Variants in CUL3 observed in about 807,000 individuals in gnomAD.
The protein encoded by CUL3 is cullin 3.
Under a neutral mutation model 89.1 loss-of-function variants are expected in CUL3, and 19 were observed. The observed-to-expected ratio is 0.21, with a 90% CI of 0.15 to 0.31. The LOEUF is 0.31. CUL3 is among the 10% of genes least tolerant of loss of function. The probability of loss-of-function intolerance (pLI) is 1.00; values close to 1 mark genes in which losing one functional copy is unlikely to be tolerated. For synonymous variants in CUL3, 351 were observed against 308.4 expected (o/e 1.14, Z -1.45); for missense variants, 469 against 942.3 (o/e 0.50, Z 6.58).
intron 15 of CUL3, among the ~76,000 whole-genome samples, chr2:224,476,035 T>G (rs1691306230): frequency 6.6e-6 from 1 of 152,016 alleles, no homozygotes; most frequent in Non-Finnish European, 1.5e-5. Context: ...TATTAGTTTT[T>G]TTTTTTGAGA....
intron 1 of CUL3, among the ~76,000 whole-genome samples, chr2:224,578,204 CT>C (rs1695353322): frequency 6.6e-6 from 1 of 152,030 alleles, no homozygotes; most frequent in Admixed American, 6.5e-5. Flanking sequence ...TAGTTGCAAT[CT>C]TTTTTAACAG....
intron 2 of CUL3, 31 bp downstream of exon 2, chr2:224,557,628 G>A (rs530032696): frequency 1.4e-6 from 2 of 1,451,458 alleles, no homozygotes; most frequent in Non-Finnish European, 1.9e-6. Context: ...ATTCAATATA[G>A]TATTAGCAAC....
Position 224,470,552 on chromosome 2 carries a change from C to A in CUL3, c.*3693G>T. The A allele has an allele frequency of 4.3e-6, 1 of 231,744 alleles. No homozygotes were observed. Among genetic ancestry groups the A allele is most frequent in the Non-Finnish European group, 8.5e-6 (1 of 117,176 alleles). The allele number at this position is 231,744 out of a possible 1,614,324, so 14.4% of individuals were successfully genotyped here. On this transcript the variant is annotated 3_prime_UTR_variant, in exon 16 of 16. Coordinates refer to ENST00000264414, the MANE Select transcript of CUL3 (RefSeq NM_003590.5). ...TGGCTAATTTGACATAGGAAAGGCA[C>A]ACAAAGGAAAACATTTTGTAAAACT... is the stretch of plus-strand genomic sequence containing the variant.
rs368320818 is a variant in CUL3, at chr2:224,471,239, C to T, written c.*3006G>A. On this transcript the variant is annotated 3_prime_UTR_variant, in exon 16 of 16. Coordinates refer to ENST00000264414, the MANE Select transcript of CUL3 (RefSeq NM_003590.5). The stretch of plus-strand genomic sequence containing the variant: ...AACAGCTTTCCTTCCAAGATTGACA[C>T]AATATACCATATACTCTATAAAAAA... The T allele has an allele frequency of 2.9e-5, 6 of 209,060 alleles. No individual in the cohort carries two copies. The East Asian group carries it at 2.9e-4, about 10-fold the overall frequency. The allele number at this position is 209,060 out of a possible 1,614,324, so 13.0% of individuals were successfully genotyped here.
intron 2 of CUL3, among the ~76,000 whole-genome samples, chr2:224,538,162 C>T (rs2106268955): frequency 6.6e-6 from 1 of 152,264 alleles, no homozygotes; most frequent in African/African-American, 2.4e-5. Context: ...TACACACACA[C>T]ACAAACTCAT....
At chr2:224,526,992 G>A (rs953774297) in intron 3 of CUL3, among the ~76,000 whole-genome samples, 1 of 152,090 alleles carries the variant, frequency 6.6e-6, no homozygotes, top group African/African-American at 2.4e-5. Flanking sequence ...ATTTCATGAT[G>A]CCCTGGTTTC....
At chr2:224,578,750 T>C (rs1044474611) in intron 1 of CUL3, among the ~76,000 whole-genome samples, 2 of 152,092 alleles carry the variant, frequency 1.3e-5, no homozygotes, top group African/African-American at 4.8e-5. Context: ...AAACTACAAA[T>C]TGTCTAGTAA....
chr2:224,540,539 T>C (rs1404752620), intron 2 of CUL3, among the ~76,000 whole-genome samples: 1 of 152,190 alleles, frequency 6.6e-6, no homozygotes, highest in Non-Finnish European at 1.5e-5. Flanking sequence ...CAGGTGACTC[T>C]GATATAACAT....
At chr2:224,581,039 T>C (rs1045859956) in intron 1 of CUL3, among the ~76,000 whole-genome samples, 12 of 152,198 alleles carry the variant, frequency 7.9e-5, no homozygotes, top group Admixed American at 6.5e-4. Context: ...AATAATACTA[T>C]ATTACATATT....
chr2:224,496,611 T>A (rs928191896), intron 12 of CUL3, among the ~76,000 whole-genome samples: 8 of 152,074 alleles, frequency 5.3e-5, no homozygotes, highest in Non-Finnish European at 1.0e-4. Context: ...ACACCACTAC[T>A]GTTATACTAC....
intron 1 of CUL3, among the ~76,000 whole-genome samples, chr2:224,574,198 T>C (rs1695247352): frequency 6.6e-6 from 1 of 152,228 alleles, no homozygotes; most frequent in African/African-American, 2.4e-5. Flanking sequence ...TTTATTCATC[T>C]GCTCAGCAGT....
intron 5 of CUL3, 55 bp from the exon 6 acceptor site, chr2:224,511,637 CT>C: frequency 9.8e-7 from 1 of 1,022,476 alleles, no homozygotes; most frequent in Non-Finnish European, 1.4e-6. Context: ...AGTGTTTTTG[CT>C]TTTAGCTGGG....
At chr2:224,542,240 C>A (rs921523798) in intron 2 of CUL3, among the ~76,000 whole-genome samples, 1 of 152,188 alleles carries the variant, frequency 6.6e-6, no homozygotes, top group Non-Finnish European at 1.5e-5. Flanking sequence ...GACCACTATT[C>A]TTTGTTTCTG....
At chr2:224,527,448 T>C (rs1171066022) in intron 3 of CUL3, among the ~76,000 whole-genome samples, 2 of 152,182 alleles carry the variant, frequency 1.3e-5, no homozygotes, top group Non-Finnish European at 2.9e-5. Flanking sequence ...CTTTAGCAAA[T>C]AGCGTATAGT....
At chr2:224,562,585 G>C (rs2047135) in intron 1 of CUL3, 112,806 of 150,212 alleles carry the variant, frequency 0.75, 42,927 homozygotes, top group African/African-American at 0.89. Flanking sequence ...CTGAAGTAAG[G>C]CGAGATCGCG....
intron 1 of CUL3, chr2:224,563,239 T>A (rs1559229695): frequency 2.1e-6 from 1 of 471,320 alleles, no homozygotes; most frequent in East Asian, 6.9e-5. Flanking sequence ...TTCCCCTACA[T>A]CTCTTGTATA....
In CUL3 at chr2:224,585,053, C is replaced by A. The variant is rs775584726; in HGVS notation, c.-44G>T. The A allele has an allele frequency of 1.4e-6, 2 of 1,440,700 alleles. No individual in the cohort carries two copies. Among genetic ancestry groups the A allele is most frequent in the East Asian group, 3.1e-5 (1 of 32,740 alleles). 89.2% of individuals were successfully genotyped at this position (1,440,700 alleles called of 1,614,324 possible). On this transcript the variant is annotated 5_prime_UTR_variant, in exon 1 of 16. Coordinates refer to ENST00000264414, the MANE Select transcript of CUL3 (RefSeq NM_003590.5). ...GGCGGCGGCTTCAGGTCGCGCTCCG[C>A]GACGCCGGTGTCACATTTAAGGCGG... is the stretch of plus-strand genomic sequence containing the variant.
chr2:224,516,045 T>C (rs1267982181), intron 3 of CUL3, among the ~76,000 whole-genome samples: 3 of 152,112 alleles, frequency 2.0e-5, no homozygotes, highest in Admixed American at 2.0e-4. Flanking sequence ...ATGACATCAT[T>C]CCTCCAACCT....
rs1256473989 is a variant in CUL3 at position 224,478,214 on chromosome 2, C to T, written c.2161G>A (p.Val721Ile). ...AGAGTCCTCACCTCCGCTACTAGAA[C>T]ATTGTGCTGCATCTTCTTTCTAGAT... ...MKSRKKMQHN[V>I]LVAEVTQQLK... Residue 721 changes from valine (V) to isoleucine (I), a missense_variant, in exon 15 of 16, where the codon GTT (valine) becomes ATT (isoleucine). By Grantham distance (29) the Val-to-Ile change is conservative. This residue lies in a region of CUL3 where 65 missense variants were observed against 147.8 expected (regional missense o/e 0.44). Transcript: ENST00000264414. 1.2e-6 allele frequency: 2 copies of T among 1,612,994 alleles called. No individual in the cohort carries two copies. Among genetic ancestry groups the T allele is most frequent in the Non-Finnish European group, 8.5e-7 (1 of 1,179,354 alleles).
Sources: gnomAD v4.1 joint callset for allele counts (sites outside exome capture counted in the v4.1 genomes callset) on GRCh38, gnomAD v4.1.1 for gene constraint, gnomAD v4.1.1 regional missense constraint, MANE v1.5 for transcripts, NCBI Gene and HGNC (gene_info 2026-07-23, HGNC 2026-07-21) for gene names.